Variants in PRKCE observed in about 807,000 individuals in gnomAD.
PRKCE encodes protein kinase C epsilon, also known as protein kinase C epsilon type.
PRKCE carries 16 observed loss-of-function variants against 85.4 expected under a neutral mutation model. The observed-to-expected ratio is 0.19, with a 90% CI of 0.13 to 0.28. The LOEUF (loss-of-function observed/expected upper bound fraction) is 0.28, where lower values mean the gene tolerates loss of function less well. Ranked by LOEUF, PRKCE falls within the 10% of genes least tolerant of loss-of-function variation. The probability of loss-of-function intolerance (pLI) is 1.00; values close to 1 mark genes in which losing one functional copy is unlikely to be tolerated. For missense variants in PRKCE, 573 were observed against 975.2 expected (o/e 0.59, Z 5.49); for synonymous variants, 388 against 371.5 (o/e 1.04, Z -0.51).
At chr2:45,670,653 G>C (rs1457147594) in intron 1 of PRKCE, among the ~76,000 whole-genome samples, 1 of 152,168 alleles carries the variant, frequency 6.6e-6, no homozygotes, top group Non-Finnish European at 1.5e-5. Flanking sequence ...AGAAAGTAAA[G>C]AGGATAGGGT....
At chr2:45,854,109 G>T (rs572625417) in intron 2 of PRKCE, among the ~76,000 whole-genome samples, 2 of 152,248 alleles carry the variant, frequency 1.3e-5, no homozygotes, top group South Asian at 2.1e-4. Context: ...TGCCCTGCTT[G>T]CCCCATCTAA....
At chr2:46,141,997 CT>C (rs1224976272) in intron 11 of PRKCE, among the ~76,000 whole-genome samples, 1 of 152,196 alleles carries the variant, frequency 6.6e-6, no homozygotes, top group Non-Finnish European at 1.5e-5. Context: ...CTACAGGTCC[CT>C]AGCAAAGAGG....
At chr2:46,177,601 A>C (rs962941109) in intron 14 of PRKCE, among the ~76,000 whole-genome samples, 2 of 152,126 alleles carry the variant, frequency 1.3e-5, no homozygotes, top group African/African-American at 4.8e-5. Flanking sequence ...TCTTATAAGG[A>C]CACCAGTCAT....
intron 10 of PRKCE, among the ~76,000 whole-genome samples, chr2:46,034,321 C>G (rs1219851632): frequency 6.6e-6 from 1 of 152,202 alleles, no homozygotes; most frequent in Non-Finnish European, 1.5e-5. Flanking sequence ...GGGTAAAGCA[C>G]TTACCCAACA....
intron 1 of PRKCE, among the ~76,000 whole-genome samples, chr2:45,694,972 TCTC>T (rs1197500842): frequency 6.6e-6 from 1 of 152,074 alleles, no homozygotes; most frequent in Non-Finnish European, 1.5e-5. Flanking sequence ...GCCTCTCCCT[TCTC>T]CTTCAGTTTG....
chr2:45,976,618 A>G (rs1434464280), intron 3 of PRKCE, 30 bp downstream of exon 3: 1 of 1,593,422 alleles, frequency 6.3e-7, no homozygotes, highest in East Asian at 2.2e-5. Flanking sequence ...ACCTCTAATT[A>G]CAACATCTCT....
chr2:45,740,009 G>C (rs185035980), intron 1 of PRKCE, among the ~76,000 whole-genome samples: 1 of 152,220 alleles, frequency 6.6e-6, no homozygotes, highest in East Asian at 1.9e-4. Flanking sequence ...CAAAGTGTTA[G>C]ATTCATTCAA....
rs1676576151 is a variant in PRKCE at position 46,151,071 on chromosome 2, G to A, written c.1762G>A (p.Val588Met). The A allele has an allele frequency of 2.5e-6, 4 of 1,599,368 alleles. No homozygotes were observed. The highest frequency in any genetic ancestry group is 1.7e-5 in the Admixed American group (1 of 59,994). Residue 588 changes from valine (V) to methionine (M), a missense_variant, in exon 13 of 15, where the codon GTG becomes ATG. Physicochemically the swap from Val to Met is conservative, Grantham distance 21. This residue lies in a region of PRKCE where 72 missense variants were observed against 166.0 expected (regional missense o/e 0.43). Coordinates refer to ENST00000306156, the MANE Select transcript of PRKCE (RefSeq NM_005400.3). ...GCAGGAGTTGGAGTATGGCCCCTCC[G>A]TGGACTGGTGGGCCCTGGGGGTGCT... is the stretch of plus-strand genomic sequence containing the variant. ...ILQELEYGPS[V>M]DWWALGVLMY...
chr2:45,919,335 G>A (rs1290952304), intron 2 of PRKCE, among the ~76,000 whole-genome samples: 1 of 152,162 alleles, frequency 6.6e-6, no homozygotes, highest in Non-Finnish European at 1.5e-5. Flanking sequence ...GCTTGGAGAC[G>A]GACACCTGCT....
chr2:45,781,728 T>C (rs1052572199), intron 1 of PRKCE, among the ~76,000 whole-genome samples: 1 of 152,196 alleles, frequency 6.6e-6, no homozygotes, highest in Non-Finnish European at 1.5e-5. Context: ...AAATATTTGC[T>C]TTTCTTTAGG....
chr2:45,785,030 TAG>T (rs1039480705), intron 1 of PRKCE, among the ~76,000 whole-genome samples: 16 of 152,364 alleles, frequency 1.1e-4, no homozygotes, highest in African/African-American at 3.4e-4. Flanking sequence ...AGCTTAGGGC[TAG>T]AGTGTCATTA....
intron 1 of PRKCE, among the ~76,000 whole-genome samples, chr2:45,838,118 G>A (rs1190913587): frequency 1.3e-5 from 2 of 152,212 alleles, no homozygotes; most frequent in African/African-American, 4.8e-5. Flanking sequence ...AGCACCATGG[G>A]GTGGTCAAGG....
At chr2:45,884,070 T>A (rs1231877293) in intron 2 of PRKCE, among the ~76,000 whole-genome samples, 1 of 152,178 alleles carries the variant, frequency 6.6e-6, no homozygotes, top group Admixed American at 6.5e-5. Flanking sequence ...CCTCCCTCCC[T>A]GTTACAGTTT....
chr2:46,089,607 G>T (rs1214789276), intron 11 of PRKCE, among the ~76,000 whole-genome samples: 2 of 152,188 alleles, frequency 1.3e-5, no homozygotes, highest in East Asian at 3.8e-4. Context: ...TGGCCCCGGG[G>T]CTGCTGTGCA....
At chr2:45,966,891 C>T (rs1281295749) in intron 2 of PRKCE, among the ~76,000 whole-genome samples, 1 of 152,132 alleles carries the variant, frequency 6.6e-6, no homozygotes, top group Non-Finnish European at 1.5e-5. Context: ...TGTCGCTCTT[C>T]CTCAGTGAGG....
intron 10 of PRKCE, among the ~76,000 whole-genome samples, chr2:46,058,339 G>T (rs1315288332): frequency 3.3e-5 from 5 of 152,228 alleles, no homozygotes; most frequent in Admixed American, 1.3e-4. Context: ...TGGAAAGCTG[G>T]GACAGGACTG....
chr2:45,663,006 C>A (rs559813669), intron 1 of PRKCE, among the ~76,000 whole-genome samples: 2 of 152,274 alleles, frequency 1.3e-5, no homozygotes, highest in African/African-American at 4.8e-5. Flanking sequence ...AAAGATGGAG[C>A]ATATAATTGA....
intron 2 of PRKCE, among the ~76,000 whole-genome samples, chr2:45,953,989 G>C (rs920628256): frequency 1.3e-5 from 2 of 152,176 alleles, no homozygotes; most frequent in African/African-American, 2.4e-5. Context: ...AACATAAGCT[G>C]CCCTTCCCTA....
chr2:45,917,168 T>A (rs1341405807), intron 2 of PRKCE, among the ~76,000 whole-genome samples: 1 of 152,182 alleles, frequency 6.6e-6, no homozygotes, highest in Non-Finnish European at 1.5e-5. Flanking sequence ...GATTGGTGCG[T>A]TTACAATCCC....
Sources: gnomAD v4.1 joint callset for allele counts (sites outside exome capture counted in the v4.1 genomes callset) on GRCh38, gnomAD v4.1.1 for gene constraint, gnomAD v4.1.1 regional missense constraint, MANE v1.5 for transcripts, NCBI Gene and HGNC (gene_info 2026-07-23, HGNC 2026-07-21) for gene names.